The following STRA6 variants were observed in gnomAD, a reference collection of about 807,000 sequenced individuals.
STRA6 encodes receptor for retinol uptake STRA6.
A neutral mutation model predicts 83.6 loss-of-function variants in STRA6; 48 were observed. The observed-to-expected ratio is 0.57, with a 90% CI of 0.46 to 0.73. The LOEUF (loss-of-function observed/expected upper bound fraction) is 0.73, where lower values mean the gene tolerates loss of function less well. Ranked by LOEUF, STRA6 falls within the 30% of genes least tolerant of loss-of-function variation. The pLI is 0.00. For synonymous variants in STRA6, 353 were observed against 362.3 expected (o/e 0.97, Z 0.29); for missense variants, 760 against 838.8 (o/e 0.91, Z 1.16).
chr15:74,201,852 C>T (rs550904109), intron 2 of STRA6, among the ~76,000 whole-genome samples: 8 of 152,292 alleles, frequency 5.3e-5, no homozygotes, highest in African/African-American at 1.9e-4. Context: ...GGGCCAGAAT[C>T]ACCCAGGGAG....
At chr15:74,191,723 C>T (rs1421955443) in intron 8 of STRA6, 3 of 598,984 alleles carry the variant, frequency 5.0e-6, no homozygotes, top group Non-Finnish European at 9.0e-6. Context: ...AAAGAACCAT[C>T]AATGCCAGGA....
chr15:74,185,493 G>T (rs534878201), intron 12 of STRA6, among the ~76,000 whole-genome samples: 23 of 152,202 alleles, frequency 1.5e-4, no homozygotes, highest in Non-Finnish European at 2.6e-4. Context: ...GAGCCATAAG[G>T]CCCCATCCAC....
intron 7 of STRA6, chr15:74,194,918 G>A: frequency 1.4e-6 from 2 of 1,424,110 alleles, no homozygotes; most frequent in South Asian, 1.6e-5. Flanking sequence ...GACCATCCCT[G>A]ACTTCGCACT....
intron 12 of STRA6, among the ~76,000 whole-genome samples, chr15:74,187,901 C>G (rs895619337): frequency 2.0e-5 from 3 of 152,126 alleles, no homozygotes; most frequent in African/African-American, 7.2e-5. Flanking sequence ...GAGCTGGGAT[C>G]AATGATGCTG....
intron 8 of STRA6, 58 bp downstream of exon 8, chr15:74,193,742 G>C (rs1173595919): frequency 6.2e-7 from 1 of 1,607,340 alleles, no homozygotes. Flanking sequence ...CACAGATACG[G>C]GGGAGTAGGG....
rs1172900259 is a variant in STRA6, at chr15:74,185,025, C to A, written c.1121G>T (p.Cys374Phe). The stretch of plus-strand genomic sequence containing the variant: ...CATCAGGACCAGGAAGGTGAGTAAG[C>A]AGGACAAGACCAAGGCTGAGATGTA... ...VCYISALVLS[C>F]LLTFLVLMRS... The change falls in exon 13 of 19, where the codon TGC (cysteine) becomes TTC (phenylalanine). Residue 374 changes from cysteine to phenylalanine, a missense_variant. By Grantham distance (205) the Cys-to-Phe change is radical (BLOSUM62 -2). Coordinates refer to ENST00000395105, the MANE Select transcript of STRA6 (RefSeq NM_022369.4). 6.2e-7 allele frequency: 1 copy of A among 1,613,890 alleles called. No individual in the cohort carries two copies. Among genetic ancestry groups the A allele is most frequent in the African/African-American group, 1.3e-5 (1 of 74,924 alleles).
At chr15:74,198,526 A>G (rs2073924246) in intron 2 of STRA6, among the ~76,000 whole-genome samples, 1 of 152,188 alleles carries the variant, frequency 6.6e-6, no homozygotes, top group African/African-American at 2.4e-5. Flanking sequence ...GCAGTTGAGC[A>G]CACTACCTGG....
intron 11 of STRA6, among the ~76,000 whole-genome samples, chr15:74,190,066 A>G (rs2073455744): frequency 6.6e-6 from 1 of 152,202 alleles, no homozygotes; most frequent in Non-Finnish European, 1.5e-5. Flanking sequence ...ATACTACACC[A>G]TCGTATATCA....
chr15:74,208,394 G>A (rs1441274480), intron 1 of STRA6, among the ~76,000 whole-genome samples: 1 of 152,104 alleles, frequency 6.6e-6, no homozygotes, highest in Admixed American at 6.5e-5. Flanking sequence ...GCTGGCCACC[G>A]TGGTGTGGCC....
At chr15:74,181,914 G>A (rs1426565787) in intron 16 of STRA6, among the ~76,000 whole-genome samples, 5 of 152,208 alleles carry the variant, frequency 3.3e-5, no homozygotes, top group East Asian at 3.8e-4. Flanking sequence ...GAGCAGTACC[G>A]ATTCCCAAAG....
At position 74,180,933 on chromosome 15, in the gene STRA6, G is replaced by T. The variant is rs1358817787; in HGVS notation, c.1689C>A (p.Tyr563Ter). The T allele has an allele frequency of 6.2e-7, 1 of 1,613,844 alleles. No homozygotes were observed. The highest frequency in any genetic ancestry group is 8.5e-7 in the Non-Finnish European group (1 of 1,179,960). Residue 563 changes from tyrosine (Y) to a stop codon, truncating the protein, a stop_gained, in exon 18 of 19, where the codon TAC (tyrosine) becomes TAA (stop). Coordinates refer to ENST00000395105, the MANE Select transcript of STRA6 (RefSeq NM_022369.4). LOFTEE classifies it high-confidence loss of function. ...TCTTCAAGAAGTTTCGGTACGTGTA[G>T]TAGCCTGGGGTGGGGTGGCGGATGG... Reference protein sequence around the residue: ...PPRAATLDPGYYTYRNFLKIE... With the variant: ...PPRAATLDPG
At chr15:74,202,489 C>T (rs1473136388) in intron 1 of STRA6, 1 of 1,532,976 alleles carries the variant, frequency 6.5e-7, no homozygotes, top group Admixed American at 2.0e-5. Context: ...AGGACAGGGC[C>T]TCTCGTGTCC....
upstream of STRA6, chr15:74,209,229 C>G (rs2074330086): frequency 3.5e-6 from 4 of 1,128,024 alleles, no homozygotes; most frequent in Middle Eastern, 2.0e-4. Context: ...CTCCACACCC[C>G]CAAACCGTTT....
chr15:74,180,792 C>T lies in STRA6; in HGVS notation c.1830G>A (p.Glu610=), dbSNP rs770660222. The change falls in exon 18 of 19, where the codon GAG becomes GAA. Residue 610 remains glutamate, a synonymous_variant. Transcript: ENST00000395105. ...AGTGGGAGGGCGCACCTTCGTCTTC[C>T]TCCCCTGGTCTGAGGCTGTCCTGGG... ...AAPQDSLRPG[E]EDEGMQLLQT... is the part of the protein sequence containing the mutation. The T allele has an allele frequency of 1.2e-6, 2 of 1,606,084 alleles. No homozygotes were observed. Among genetic ancestry groups the T allele is most frequent in the Admixed American group, 3.3e-5 (2 of 59,736 alleles).
chr15:74,202,399 C>T (rs2142087456), intron 1 of STRA6, 117 bp from the exon 2 acceptor site: 1 of 1,541,856 alleles, frequency 6.5e-7, no homozygotes, highest in African/African-American at 1.4e-5. Flanking sequence ...CTCTTTAATC[C>T]TGAAGGTTAC....
intron 7 of STRA6, 115 bp downstream of exon 7, chr15:74,195,187 C>T: frequency 6.5e-7 from 1 of 1,537,156 alleles, no homozygotes; most frequent in Non-Finnish European, 8.7e-7. Flanking sequence ...ATCCCATGCA[C>T]AATGGAAGGC....
intron 1 of STRA6, among the ~76,000 whole-genome samples, chr15:74,208,273 A>G (rs981925167): frequency 8.5e-5 from 13 of 152,150 alleles, no homozygotes; most frequent in African/African-American, 2.7e-4. Context: ...GGCTGTTAAC[A>G]TCAAGATGCA....
chr15:74,203,563 C>G (rs947597669), upstream of STRA6, among the ~76,000 whole-genome samples: 1 of 152,240 alleles, frequency 6.6e-6, no homozygotes, highest in Non-Finnish European at 1.5e-5. Flanking sequence ...CGGCTTGGAC[C>G]CTGTCAGCTA....
chr15:74,202,120 G>C, intron 2 of STRA6, 35 bp downstream of exon 2: 1 of 1,454,686 alleles, frequency 6.9e-7, no homozygotes, highest in Non-Finnish European at 9.1e-7. Context: ...CATTCTGATG[G>C]CTGACAGAGT....
Sources: allele counts gnomAD v4.1 joint callset (sites outside exome capture counted in the v4.1 genomes callset), GRCh38; gene constraint gnomAD v4.1.1; transcripts MANE v1.5; gene names NCBI Gene and HGNC (gene_info 2026-07-23, HGNC 2026-07-21).